Variants in LGSN observed in about 807,000 individuals in gnomAD.
The protein encoded by LGSN is lengsin, lens protein with glutamine synthetase domain, also known as lengsin.
Under a neutral mutation model 19.5 loss-of-function variants are expected in LGSN, and 21 were observed. That is an observed-to-expected ratio of 1.07 (90% CI 0.76 to 1.55). The LOEUF is 1.55. LGSN is among the 40% of genes most tolerant of loss of function. The pLI, the probability that LGSN is intolerant of heterozygous loss-of-function variation, is 0.00. For synonymous variants in LGSN, 257 were observed against 215.6 expected (o/e 1.19, Z -1.68); for missense variants, 673 against 608.5 (o/e 1.11, Z -1.12).
At chr6:63,472,497 T>C in the LGSN span, among the ~76,000 whole-genome samples, 1 of 152,178 alleles carries the variant, frequency 6.6e-6, no homozygotes, top group Non-Finnish European at 1.5e-5. Flanking sequence ...ACTATCTCTA[T>C]GAGCTCCCCA....
chr6:63,341,043 A>G, the LGSN span, among the ~76,000 whole-genome samples: 8 of 152,062 alleles, frequency 5.3e-5, no homozygotes, highest in Non-Finnish European at 1.0e-4. Flanking sequence ...GATTTCTTCA[A>G]CTGTAGTCAA....
chr6:63,427,377 G>A, the LGSN span, among the ~76,000 whole-genome samples: 1 of 151,792 alleles, frequency 6.6e-6, no homozygotes, highest in East Asian at 1.9e-4. Flanking sequence ...TTCCACCCGA[G>A]ATAATAAACA....
At chr6:63,533,262 T>C in the LGSN span, among the ~76,000 whole-genome samples, 3 of 152,214 alleles carry the variant, frequency 2.0e-5, no homozygotes, top group East Asian at 5.8e-4. Flanking sequence ...CACACCTGTT[T>C]TCTCAGCTAC....
At chr6:63,466,991 T>G in the LGSN span, among the ~76,000 whole-genome samples, 1 of 152,064 alleles carries the variant, frequency 6.6e-6, no homozygotes, top group Non-Finnish European at 1.5e-5. Context: ...ATAAAACCAG[T>G]GTTTAAAGCC....
At chr6:63,487,395 A>G in the LGSN span, among the ~76,000 whole-genome samples, 2 of 152,254 alleles carry the variant, frequency 1.3e-5, no homozygotes, top group South Asian at 2.1e-4. Flanking sequence ...GTGTAAGTCA[A>G]TCGGCTCCCT....
chr6:63,365,931 A>T, the LGSN span, among the ~76,000 whole-genome samples: 1 of 152,348 alleles, frequency 6.6e-6, no homozygotes, highest in South Asian at 2.1e-4. Flanking sequence ...TATTGATGGG[A>T]TGTATCTCAA....
the LGSN span, among the ~76,000 whole-genome samples, chr6:63,365,622 G>T: frequency 6.6e-6 from 1 of 151,990 alleles, no homozygotes; most frequent in Non-Finnish European, 1.5e-5. Context: ...AAGTCTGGCA[G>T]AGACACAACA....
rs763528734 is a variant in LGSN at position 63,280,907 on chromosome 6, A to G, written c.644T>C (p.Val215Ala). ...AATCTTTGAATTTAAAATTTCGGGC[A>G]CACCAAAAATGCAAAAATCATAGAT... ...AFIYDFCIFG[V>A]PEILNSKIIS... Residue 215 changes from valine to alanine, a missense_variant, in exon 4 of 4, where the codon GTG becomes GCG. Coordinates refer to ENST00000370657, the MANE Select transcript of LGSN (RefSeq NM_016571.3). 2.5e-6 allele frequency: 4 copies of G among 1,613,972 alleles called. No individual in the cohort carries two copies. The South Asian group carries it at 3.3e-5, about 13-fold the overall frequency.
chr6:63,560,076 A>G, the LGSN span, among the ~76,000 whole-genome samples: 7 of 152,200 alleles, frequency 4.6e-5, no homozygotes, highest in African/African-American at 1.7e-4. Context: ...ACCAATTTCC[A>G]TAGTTTTCAT....
At chr6:63,400,228 C>T in the LGSN span, among the ~76,000 whole-genome samples, 1 of 152,202 alleles carries the variant, frequency 6.6e-6, no homozygotes, top group Non-Finnish European at 1.5e-5. Context: ...GCCTCAACTT[C>T]CAGCTTGGCA....
intron 1 of LGSN, among the ~76,000 whole-genome samples, chr6:63,317,126 CTCTT>C (rs2127398004): frequency 6.6e-6 from 1 of 152,168 alleles, no homozygotes; most frequent in South Asian, 2.1e-4. Flanking sequence ...ACATGTAAAA[CTCTT>C]TAAGGCTGTA....
chr6:63,495,955 C>G, the LGSN span, among the ~76,000 whole-genome samples: 1 of 151,958 alleles, frequency 6.6e-6, no homozygotes, highest in Non-Finnish European at 1.5e-5. Context: ...AAGACAGAGT[C>G]TCACTCTATC....
the LGSN span, among the ~76,000 whole-genome samples, chr6:63,541,379 C>G: frequency 6.6e-6 from 1 of 151,770 alleles, no homozygotes; most frequent in Non-Finnish European, 1.5e-5. Flanking sequence ...ATAGTGAAAC[C>G]CCTCTCTACT....
the LGSN span, among the ~76,000 whole-genome samples, chr6:63,535,677 C>A: frequency 6.6e-6 from 1 of 152,022 alleles, no homozygotes; most frequent in South Asian, 2.1e-4. Context: ...ATCATAAACA[C>A]ATTTATAGTA....
Position 63,319,902 on chromosome 6 carries a change from T to C in LGSN, c.30+12A>G. The stretch of plus-strand genomic sequence containing the variant: ...ATTTTGGTTAAAAACATTTTAATGA[T>C]TAGCTTCATACCTCCTGCAGAAGGT... On this transcript the variant is annotated intron_variant, in intron 1 of 3. Transcript: ENST00000370657. 1 of 1,599,790 alleles carries C rather than the reference T, an allele frequency of 6.3e-7. No homozygotes were observed. Among genetic ancestry groups the C allele is most frequent in the South Asian group, 1.1e-5 (1 of 90,720 alleles).
chr6:63,500,403 C>T, the LGSN span, among the ~76,000 whole-genome samples: 1 of 152,048 alleles, frequency 6.6e-6, no homozygotes, highest in Non-Finnish European at 1.5e-5. Context: ...TGACCTCTGA[C>T]AGGTTTATTT....
intron 3 of LGSN, among the ~76,000 whole-genome samples, chr6:63,282,502 C>T (rs922537611): frequency 6.6e-6 from 1 of 152,104 alleles, no homozygotes; most frequent in Non-Finnish European, 1.5e-5. Context: ...CTTGTGTATC[C>T]TTACATGGTG....
intron 3 of LGSN, 117 bp downstream of exon 3, chr6:63,285,469 AT>A (rs1310672814): frequency 5.0e-6 from 4 of 802,306 alleles, no homozygotes; most frequent in South Asian, 2.1e-5. Flanking sequence ...AAAATAAGTT[AT>A]TGATTTTCAG....
the LGSN span, among the ~76,000 whole-genome samples, chr6:63,425,126 C>T: frequency 3.9e-5 from 6 of 152,068 alleles, no homozygotes; most frequent in East Asian, 1.2e-3. Context: ...ACACTAAATG[C>T]CAGCAAGAAT....
Sources: allele counts gnomAD v4.1 joint callset (sites outside exome capture counted in the v4.1 genomes callset), GRCh38; gene constraint gnomAD v4.1.1; transcripts MANE v1.5; gene names NCBI Gene and HGNC (gene_info 2026-07-23, HGNC 2026-07-21).